Variants in ADARB2 observed in about 807,000 individuals in gnomAD.
ADARB2 encodes adenosine deaminase RNA specific B2 (inactive).
In ADARB2, 25 loss-of-function variants were observed where a neutral mutation model predicts 62.2. The observed-to-expected ratio is 0.40, with a 90% CI of 0.29 to 0.56. ADARB2 has a LOEUF of 0.56. Among genes scored for constraint, ADARB2 ranks in the 20% least tolerant of loss-of-function variants. ADARB2 has a pLI of 0.43. For missense variants in ADARB2, 1,071 were observed against 1,077.4 expected (o/e 0.99, Z 0.08); for synonymous variants, 572 against 500.8 (o/e 1.14, Z -1.90).
chr10:1,519,185 G>A (rs1832044012), intron 1 of ADARB2, among the ~76,000 whole-genome samples: 1 of 151,378 alleles, frequency 6.6e-6, no homozygotes, highest in South Asian at 2.1e-4. Flanking sequence ...TGCATGTGGT[G>A]TGGTCATACG....
At chr10:1,507,241 G>T (rs1831863665) in intron 1 of ADARB2, among the ~76,000 whole-genome samples, 1 of 152,236 alleles carries the variant, frequency 6.6e-6, no homozygotes, top group Non-Finnish European at 1.5e-5. Context: ...ACAGAGGAAG[G>T]AAACAGAGTG....
intron 6 of ADARB2, among the ~76,000 whole-genome samples, chr10:1,231,063 G>C (rs1203898494): frequency 6.6e-6 from 1 of 152,126 alleles, no homozygotes; most frequent in East Asian, 1.9e-4. Context: ...GATGTACAGA[G>C]ATGTGGGAGG....
intron 1 of ADARB2, among the ~76,000 whole-genome samples, chr10:1,575,378 G>A (rs1250069085): frequency 6.6e-6 from 1 of 152,188 alleles, no homozygotes; most frequent in African/African-American, 2.4e-5. Flanking sequence ...TTTCTGGGAG[G>A]GAAATGCATG....
At chr10:1,216,744 C>T (rs1830627894) in intron 7 of ADARB2, 2 of 680,558 alleles carry the variant, frequency 2.9e-6, no homozygotes, top group Admixed American at 3.1e-5. Context: ...CAGGGCCTTG[C>T]TCCCTCAGGG....
intron 6 of ADARB2, among the ~76,000 whole-genome samples, chr10:1,224,402 G>A (rs889290172): frequency 1.1e-4 from 17 of 151,990 alleles, no homozygotes; most frequent in African/African-American, 4.1e-4. Flanking sequence ...ATTTTTTGAA[G>A]GGTTTTTTGT....
In ADARB2 at chr10:1,394,890, T is replaced by C. The variant is rs769355099; in HGVS notation, c.101-15730A>G. On this transcript the variant is annotated intron_variant, in intron 1 of 9. Transcript: ENST00000381312. ...CAGGTCATTTTTTCTTTTCTTTTCT[T>C]TTCTTCCTCCCTCCTCCTCCTTCTT... The C allele has an allele frequency of 6.6e-6, 3 of 456,990 alleles. No individual in the cohort carries two copies. In the Admixed American group the frequency reaches 7.0e-5, roughly 11 times the overall value. 28.3% of individuals were successfully genotyped at this position (456,990 alleles called of 1,614,324 possible). A position where few individuals can be genotyped will look rare whatever the true frequency, so the allele number is the denominator to read the frequency against.
At chr10:1,611,035 G>T (rs969409087) in intron 1 of ADARB2, among the ~76,000 whole-genome samples, 1 of 152,176 alleles carries the variant, frequency 6.6e-6, no homozygotes, top group Non-Finnish European at 1.5e-5. Flanking sequence ...CGACATCAAC[G>T]TTACAAGCCT....
At chr10:1,731,560 T>A (rs913505106) in intron 1 of ADARB2, among the ~76,000 whole-genome samples, 1 of 152,266 alleles carries the variant, frequency 6.6e-6, no homozygotes, top group African/African-American at 2.4e-5. Context: ...GATATTGGTA[T>A]GTTCTTAATT....
intron 1 of ADARB2, among the ~76,000 whole-genome samples, chr10:1,619,874 A>G (rs117015295): frequency 1.3e-5 from 2 of 152,362 alleles, no homozygotes; most frequent in East Asian, 3.8e-4. Flanking sequence ...ATGAAAGTAA[A>G]TCAGAATTGA....
intron 1 of ADARB2, among the ~76,000 whole-genome samples, chr10:1,495,851 AC>A (rs1831682158): frequency 2.0e-5 from 3 of 152,132 alleles, no homozygotes; most frequent in Non-Finnish European, 1.5e-5. Context: ...CATCAACATT[AC>A]CATCATCTTC....
intron 4 of ADARB2, among the ~76,000 whole-genome samples, chr10:1,245,934 A>AC (rs1830982636): frequency 6.6e-6 from 1 of 151,526 alleles, no homozygotes; most frequent in African/African-American, 2.4e-5. Flanking sequence ...CAATGGTTGA[A>AC]CTAGTTTACA....
intron 1 of ADARB2, among the ~76,000 whole-genome samples, chr10:1,507,993 T>C (rs1274213189): frequency 6.6e-6 from 1 of 152,148 alleles, no homozygotes; most frequent in Non-Finnish European, 1.5e-5. Flanking sequence ...GGTCCAAGGT[T>C]CCACAATTGA....
Position 1,426,861 on chromosome 10 carries a change from G to T in ADARB2, c.101-47701C>A, listed in dbSNP as rs1832897417. On this transcript the variant is annotated intron_variant, in intron 1 of 9. Coordinates refer to ENST00000381312, the MANE Select transcript of ADARB2 (RefSeq NM_018702.4). This position sits in a 1 kb window ranked among gnomAD's most constrained non-coding sequence, Gnocchi z 4.1. Reference sequence around the variant, plus strand: ...GGCAGACTCCTAAGAAGGCAGCTTTGTGTTGGACAAAACACAGTGGGGACA... The same window carrying T: ...GGCAGACTCCTAAGAAGGCAGCTTTTTGTTGGACAAAACACAGTGGGGACA... Among the ~76,000 whole-genome samples, 1 of 152,224 alleles carries T rather than the reference G, an allele frequency of 6.6e-6. No individual in the cohort carries two copies. Among genetic ancestry groups the T allele is most frequent in the African/African-American group, 2.4e-5 (1 of 41,462 alleles).
intron 8 of ADARB2, chr10:1,186,600 G>T (rs1440227694): frequency 5.8e-6 from 3 of 517,458 alleles, no homozygotes; most frequent in African/African-American, 5.8e-5. Context: ...TGCCTTCCTG[G>T]CCTGCTGTCC....
intron 1 of ADARB2, among the ~76,000 whole-genome samples, chr10:1,670,420 ATCAGCTTAT>A (rs1834369996): frequency 1.3e-5 from 2 of 152,238 alleles, no homozygotes; most frequent in Admixed American, 1.3e-4. Context: ...CAGATGATTC[ATCAGCTTAT>A]AAACTGAGAT....
intron 3 of ADARB2, among the ~76,000 whole-genome samples, chr10:1,353,170 G>A (rs1832160311): frequency 1.3e-5 from 2 of 152,186 alleles, no homozygotes; most frequent in Admixed American, 6.5e-5. Flanking sequence ...CAACTCTTAA[G>A]TCCCTCTTAG....
At chr10:1,623,807 G>A (rs563997585) in intron 1 of ADARB2, among the ~76,000 whole-genome samples, 42 of 152,334 alleles carry the variant, frequency 2.8e-4, no homozygotes, top group Admixed American at 2.5e-3. Context: ...GCTTATTAGA[G>A]ACCCACAGCA....
At chr10:1,521,791 C>T (rs567128483) in intron 1 of ADARB2, among the ~76,000 whole-genome samples, 1 of 150,382 alleles carries the variant, frequency 6.6e-6, no homozygotes, top group South Asian at 2.1e-4. Context: ...CCCCCACTAC[C>T]CCCAACCCCT....
At position 1,427,966 on chromosome 10, in the gene ADARB2, ATT is replaced by A. The variant is rs1308185342; in HGVS notation, c.101-48808_101-48807del. Among the ~76,000 whole-genome samples, 392 of 144,464 alleles carry A rather than the reference ATT, an allele frequency of 2.7e-3. 1 individual carries two copies. Among genetic ancestry groups the A allele is most frequent in the African/African-American group, 9.1e-3 (357 of 39,020 alleles). The allele number at this position is 144,464 out of a possible 152,430, so 94.8% of individuals were successfully genotyped here. ...ATGCTGAATGAAAAAAGCCAGTCCC[ATT>A]TTTTTTTTTTTTTTGAGACAGAGTC... On this transcript the variant is annotated intron_variant, in intron 1 of 9. Coordinates refer to ENST00000381312, the MANE Select transcript of ADARB2 (RefSeq NM_018702.4).
Sources: allele counts gnomAD v4.1 joint callset (sites outside exome capture counted in the v4.1 genomes callset), GRCh38; gene constraint gnomAD v4.1.1; non-coding constraint Gnocchi (gnomAD v3.1); transcripts MANE v1.5; gene names NCBI Gene and HGNC (gene_info 2026-07-23, HGNC 2026-07-21).